Variants in RANBP2 observed in about 807,000 individuals in gnomAD.
RANBP2 encodes RAN binding protein 2.
A neutral mutation model predicts 303.6 loss-of-function variants in RANBP2; 57 were observed. The ratio of observed to expected loss-of-function variants is 0.19; its 90% CI spans 0.15 to 0.23. The LOEUF (loss-of-function observed/expected upper bound fraction) is 0.23, where lower values mean the gene tolerates loss of function less well. Among genes scored for constraint, RANBP2 ranks in the 10% least tolerant of loss-of-function variants. The pLI, the probability that RANBP2 is intolerant of heterozygous loss-of-function variation, is 1.00. For synonymous variants in RANBP2, 1,167 were observed against 1,301.5 expected (o/e 0.90, Z 2.23); for missense variants, 3,138 against 3,780.8 (o/e 0.83, Z 4.46).
At chr2:109,376,472 T>TA in the RANBP2 span, among the ~76,000 whole-genome samples, 1 of 152,152 alleles carries the variant, frequency 6.6e-6, no homozygotes, top group South Asian at 2.1e-4. Context: ...TGTTAGCAAA[T>TA]ACGCCAGTGA....
At chr2:109,208,790 T>C in the RANBP2 span, among the ~76,000 whole-genome samples, 1 of 152,192 alleles carries the variant, frequency 6.6e-6, no homozygotes, top group Non-Finnish European at 1.5e-5. Flanking sequence ...TAGAAATACA[T>C]GTGTTGAGCA....
At chr2:109,710,928 G>A in the RANBP2 span, among the ~76,000 whole-genome samples, 1 of 152,088 alleles carries the variant, frequency 6.6e-6, no homozygotes, top group Non-Finnish European at 1.5e-5. Flanking sequence ...AAGGTGGCAA[G>A]GTAGGCAGTT....
chr2:109,300,059 A>G, the RANBP2 span, among the ~76,000 whole-genome samples: 1 of 152,188 alleles, frequency 6.6e-6, no homozygotes, highest in African/African-American at 2.4e-5. Flanking sequence ...GAGTGAATGA[A>G]CAAAGCTTAC....
chr2:108,833,354 G>A, the RANBP2 span, among the ~76,000 whole-genome samples: 2 of 152,180 alleles, frequency 1.3e-5, no homozygotes, highest in Non-Finnish European at 2.9e-5. Flanking sequence ...CATGGGGCAT[G>A]TAAACATTCT....
At chr2:109,034,724 G>A in the RANBP2 span, among the ~76,000 whole-genome samples, 1 of 152,222 alleles carries the variant, frequency 6.6e-6, no homozygotes, top group South Asian at 2.1e-4. Context: ...GATGAATGAG[G>A]GGGGTGGTAC....
At chr2:109,519,621 C>T in the RANBP2 span, among the ~76,000 whole-genome samples, 1 of 152,176 alleles carries the variant, frequency 6.6e-6, no homozygotes, top group South Asian at 2.1e-4. Flanking sequence ...TCTGTTTACA[C>T]CCTTTTAAAA....
the RANBP2 span, among the ~76,000 whole-genome samples, chr2:109,318,509 G>A: frequency 6.0e-3 from 910 of 152,298 alleles, 8 homozygotes; most frequent in African/African-American, 0.021. Context: ...AATCATTTTG[G>A]CGACCGTGGG....
chr2:108,934,402 G>A, the RANBP2 span, among the ~76,000 whole-genome samples: 100 of 152,260 alleles, frequency 6.6e-4, no homozygotes, highest in Non-Finnish European at 1.4e-3. Context: ...ATCAGTGCCT[G>A]GCGATGCTGC....
the RANBP2 span, among the ~76,000 whole-genome samples, chr2:109,629,326 TA>T: frequency 0.013 from 102 of 7,558 alleles, 6 homozygotes; most frequent in East Asian, 0.021. Context: ...TATATATATA[TA>T]TATATATATA....
the RANBP2 span, among the ~76,000 whole-genome samples, chr2:108,997,463 A>AAAG: frequency 2.0e-5 from 3 of 148,316 alleles, no homozygotes; most frequent in Non-Finnish European, 3.0e-5. Flanking sequence ...AAAAAAAAAA[A>AAAG]GATGATGGTC....
the RANBP2 span, among the ~76,000 whole-genome samples, chr2:109,342,872 A>G: frequency 1.3e-5 from 2 of 152,244 alleles, no homozygotes; most frequent in Non-Finnish European, 2.9e-5. Flanking sequence ...AGTTTTAATT[A>G]TTATTAATGC....
chr2:108,776,315 A>G (rs1473670060), intron 24 of RANBP2, among the ~76,000 whole-genome samples: 1 of 152,170 alleles, frequency 6.6e-6, no homozygotes, highest in Non-Finnish European at 1.5e-5. Context: ...AATTGTAGAA[A>G]TATTACGGAT....
chr2:109,484,925 T>G, the RANBP2 span, among the ~76,000 whole-genome samples: 1 of 152,188 alleles, frequency 6.6e-6, no homozygotes, highest in Non-Finnish European at 1.5e-5. Context: ...AAAAACATCT[T>G]TGTGTGTACC....
At chr2:109,659,784 C>T in the RANBP2 span, among the ~76,000 whole-genome samples, 7 of 152,206 alleles carry the variant, frequency 4.6e-5, no homozygotes, top group African/African-American at 9.7e-5. Flanking sequence ...CCCCAGCCTA[C>T]GATTCCTAGA....
At chr2:109,409,496 T>C in the RANBP2 span, among the ~76,000 whole-genome samples, 1 of 152,122 alleles carries the variant, frequency 6.6e-6, no homozygotes, top group Non-Finnish European at 1.5e-5. Context: ...GAATTAAATA[T>C]CCAGCAGCAA....
At chr2:109,187,560 TC>T in the RANBP2 span, among the ~76,000 whole-genome samples, 154 of 152,284 alleles carry the variant, frequency 1.0e-3, 2 homozygotes, top group African/African-American at 3.5e-3. Context: ...TCCTAAGGTG[TC>T]TAGTACAGTC....
At chr2:109,153,740 T>G in the RANBP2 span, among the ~76,000 whole-genome samples, 2 of 152,242 alleles carry the variant, frequency 1.3e-5, no homozygotes, top group Non-Finnish European at 2.9e-5. Context: ...TGTGCTGAGC[T>G]GGGTTCTGGT....
chr2:108,798,687 C>T, the RANBP2 span: 3 of 791,010 alleles, frequency 3.8e-6, no homozygotes, highest in Admixed American at 2.7e-5. Context: ...TTCTCCTTCC[C>T]TTCCTCCTCC....
the RANBP2 span, among the ~76,000 whole-genome samples, chr2:109,709,807 G>T: frequency 8.9e-4 from 135 of 152,292 alleles, no homozygotes; most frequent in African/African-American, 3.1e-3. Flanking sequence ...TGATTTACTC[G>T]CTGGGCACGG....
Sources: allele counts gnomAD v4.1 joint callset (sites outside exome capture counted in the v4.1 genomes callset), GRCh38; gene constraint gnomAD v4.1.1; transcripts MANE v1.5; gene names NCBI Gene and HGNC (gene_info 2026-07-23, HGNC 2026-07-21).